The following VRK2 variants were observed in gnomAD, a reference collection of about 807,000 sequenced individuals.
VRK2 encodes VRK serine/threonine kinase 2.
A neutral mutation model predicts 57.6 loss-of-function variants in VRK2; 60 were observed. The observed-to-expected ratio is 1.04, with a 90% CI of 0.85 to 1.29. VRK2 has a LOEUF of 1.29. VRK2 is among the 50% of genes most tolerant of loss of function. The pLI is 0.00. For synonymous variants in VRK2, 231 were observed against 199.2 expected (o/e 1.16, Z -1.35); for missense variants, 705 against 588.1 (o/e 1.20, Z -2.06).
intron 1 of VRK2, among the ~76,000 whole-genome samples, chr2:57,967,839 T>A (rs978447998): frequency 2.6e-5 from 4 of 151,834 alleles, no homozygotes; most frequent in African/African-American, 7.3e-5. Flanking sequence ...TAAAAGGGAA[T>A]TAGAAAAAAA....
At chr2:58,107,813 G>A (rs1186967850) in intron 7 of VRK2, among the ~76,000 whole-genome samples, 1 of 152,034 alleles carries the variant, frequency 6.6e-6, no homozygotes, top group Admixed American at 6.6e-5. Context: ...TTCTTTCTCT[G>A]CCAGCTCCAA....
intron 1 of VRK2, among the ~76,000 whole-genome samples, chr2:57,937,586 G>A (rs1670954883): frequency 6.6e-6 from 1 of 152,130 alleles, no homozygotes; most frequent in South Asian, 2.1e-4. Flanking sequence ...ACTAAGCATT[G>A]CTATTTAGAA....
intron 2 of VRK2, among the ~76,000 whole-genome samples, chr2:58,068,092 G>A (rs528372675): frequency 1.1e-4 from 16 of 151,992 alleles, no homozygotes; most frequent in African/African-American, 3.9e-4. Context: ...ACGACGCCCA[G>A]CTAATTTTTC....
chr2:57,912,911 A>G (rs1458177160), intron 1 of VRK2, among the ~76,000 whole-genome samples: 1 of 152,140 alleles, frequency 6.6e-6, no homozygotes, highest in Non-Finnish European at 1.5e-5. Flanking sequence ...CTTGAATGGA[A>G]TTAGTGCTCT....
chr2:58,147,080 A>T (rs1682272862), intron 12 of VRK2: 1 of 481,078 alleles, frequency 2.1e-6, no homozygotes, highest in Non-Finnish European at 4.1e-6. Flanking sequence ...CCCCCAAATG[A>T]TTTGAGGTAG....
intron 1 of VRK2, among the ~76,000 whole-genome samples, chr2:57,968,773 A>G (rs910038024): frequency 2.6e-5 from 4 of 152,124 alleles, no homozygotes; most frequent in Non-Finnish European, 1.5e-5. Flanking sequence ...TTAGTTAAAA[A>G]TCTAGAGATA....
chr2:58,120,184 C>CTTTTTTGT (rs1278716025), intron 7 of VRK2, among the ~76,000 whole-genome samples: 23 of 51,990 alleles, frequency 4.4e-4, no homozygotes, highest in African/African-American at 2.2e-3. Context: ...TTTTTCTTTT[C>CTTTTTTGT]TTTTTTTTTT....
chr2:57,994,669 A>T (rs1001848233), intron 1 of VRK2, among the ~76,000 whole-genome samples: 2 of 152,310 alleles, frequency 1.3e-5, no homozygotes, highest in Non-Finnish European at 2.9e-5. Flanking sequence ...CCTTGGACTC[A>T]TAAAAATTAT....
Position 58,139,843 on chromosome 2 carries a change from T to C in VRK2, c.1023+11T>C, listed in dbSNP as rs1220325038. On this transcript the variant is annotated intron_variant, in intron 11 of 12. Transcript: ENST00000340157. ...CCAAACAGTCAAAAAGTAAGTAACA[T>C]AATCCCTGCTATCCTATGATTACCT... 6.2e-7 allele frequency: 1 copy of C among 1,603,626 alleles called. No individual in the cohort carries two copies.
chr2:58,035,300 C>T (rs1232567913), intron 3 of VRK2, among the ~76,000 whole-genome samples: 1 of 152,000 alleles, frequency 6.6e-6, no homozygotes. Context: ...TAAAAACCTG[C>T]TCTTATCATT....
At chr2:58,081,830 C>T (rs1466059682) in intron 2 of VRK2, among the ~76,000 whole-genome samples, 2 of 149,100 alleles carry the variant, frequency 1.3e-5, no homozygotes, top group Non-Finnish European at 3.0e-5. Context: ...GATTTCTCCA[C>T]CAGACAGCAA....
chr2:58,081,117 C>T (rs541029407), intron 2 of VRK2, among the ~76,000 whole-genome samples: 16 of 152,048 alleles, frequency 1.1e-4, no homozygotes, highest in Admixed American at 3.3e-4. Context: ...TGGCCTGCTG[C>T]TCTGTTTTGG....
At chr2:58,129,988 A>G (rs1678939711) in intron 8 of VRK2, among the ~76,000 whole-genome samples, 1 of 152,222 alleles carries the variant, frequency 6.6e-6, no homozygotes, top group African/African-American at 2.4e-5. Context: ...AGACCAAACT[A>G]TAATAGTGAA....
intron 7 of VRK2, among the ~76,000 whole-genome samples, chr2:58,092,630 C>G (rs1672538408): frequency 6.6e-6 from 1 of 152,130 alleles, no homozygotes; most frequent in African/African-American, 2.4e-5. Context: ...ACATTCCCAT[C>G]AGCAATGTGT....
chr2:57,964,963 C>T (rs1572913175), intron 1 of VRK2, among the ~76,000 whole-genome samples: 1 of 147,326 alleles, frequency 6.8e-6, no homozygotes, highest in African/African-American at 2.5e-5. Flanking sequence ...TGTCTAATCA[C>T]TATATCACCA....
intron 2 of VRK2, among the ~76,000 whole-genome samples, chr2:58,065,000 C>T (rs1051450864): frequency 5.9e-5 from 9 of 151,996 alleles, no homozygotes; most frequent in South Asian, 2.1e-4. Flanking sequence ...ATTTCAAGTC[C>T]ACCTTCCCTT....
intron 1 of VRK2, among the ~76,000 whole-genome samples, chr2:57,979,772 G>A (rs1054580876): frequency 2.6e-5 from 4 of 152,052 alleles, no homozygotes; most frequent in Non-Finnish European, 5.9e-5. Context: ...ATCTTGGAAG[G>A]TTGTGTTTCC....
intron 2 of VRK2, among the ~76,000 whole-genome samples, chr2:58,075,391 G>A (rs1449301074): frequency 6.6e-6 from 1 of 151,960 alleles, no homozygotes; most frequent in Non-Finnish European, 1.5e-5. Context: ...ATATTCTTTT[G>A]GGTATATACT....
At chr2:58,018,813 AG>A (rs1326968601) in intron 1 of VRK2, among the ~76,000 whole-genome samples, 1 of 152,068 alleles carries the variant, frequency 6.6e-6, no homozygotes, top group Non-Finnish European at 1.5e-5. Flanking sequence ...GTATAATGAC[AG>A]GTTCTCTCTA....
Sources: gnomAD v4.1 joint callset for allele counts (sites outside exome capture counted in the v4.1 genomes callset) on GRCh38, gnomAD v4.1.1 for gene constraint, MANE v1.5 for transcripts, NCBI Gene and HGNC (gene_info 2026-07-23, HGNC 2026-07-21) for gene names.